CLEC18A: variants seen among roughly 807,000 people sequenced by gnomAD.
CLEC18A encodes the protein mannose receptor-like 1.
In CLEC18A, 5 loss-of-function variants were observed where a neutral mutation model predicts 24.0. The observed-to-expected ratio is 0.21, with a 90% CI of 0.11 to 0.44. The LOEUF (loss-of-function observed/expected upper bound fraction) is 0.44, where lower values mean the gene tolerates loss of function less well. Among genes scored for constraint, CLEC18A ranks in the 20% least tolerant of loss-of-function variants. The probability of loss-of-function intolerance (pLI) is 0.99; values close to 1 mark genes in which losing one functional copy is unlikely to be tolerated. For synonymous variants in CLEC18A, 29 were observed against 100.1 expected (o/e 0.29, Z 4.24); for missense variants, 83 against 233.4 (o/e 0.36, Z 4.20).
chr16:69,952,315 C>T, intron 2 of CLEC18A, 189 bp downstream of exon 2: 1 of 261,406 alleles, frequency 3.8e-6, no homozygotes, highest in Non-Finnish European at 6.4e-6. Context: ...TTCTTAACCC[C>T]CCACCCTCAG....
At chr16:69,953,914 G>C (rs1441095510) in intron 2 of CLEC18A, 3 of 319,060 alleles carry the variant, frequency 9.4e-6, no homozygotes, top group African/African-American at 2.1e-5. Context: ...CTAGGGCAGA[G>C]AGGCGTGGCT....
intron 3 of CLEC18A, among the ~76,000 whole-genome samples, chr16:69,957,301 A>G (rs1161039232): frequency 4.1e-5 from 6 of 145,422 alleles, no homozygotes; most frequent in Non-Finnish European, 3.0e-5. Flanking sequence ...AGCTGGGACT[A>G]CAGGTGTGTG....
chr16:69,955,961 C>A (rs1285345546), intron 3 of CLEC18A, among the ~76,000 whole-genome samples: 2 of 151,924 alleles, frequency 1.3e-5, no homozygotes, highest in Non-Finnish European at 2.9e-5. Flanking sequence ...AAATATTACA[C>A]AAGGCTGGGT....
the CLEC18A span, among the ~76,000 whole-genome samples, chr16:69,943,629 G>A: frequency 6.6e-6 from 1 of 151,868 alleles, no homozygotes; most frequent in Non-Finnish European, 1.5e-5. Flanking sequence ...GTAACCACTG[G>A]CGCCTTGGTG....
chr16:69,957,168 TTTTG>T (rs1385819967), intron 3 of CLEC18A, among the ~76,000 whole-genome samples: 1 of 147,268 alleles, frequency 6.8e-6, no homozygotes, highest in East Asian at 2.1e-4. Context: ...ATGATGTTGT[TTTTG>T]TTTGTTTTGA....
rs60310934 is a variant in CLEC18A, at chr16:69,954,526, G to A, written c.409G>A (p.Ala137Thr). The A allele has an allele frequency of 1.1e-3, 1,712 of 1,612,740 alleles. 13 individuals are homozygous for A. In the African/African-American group the frequency reaches 0.021, roughly 19 times the overall value. ...TGCAGAGGGGCAGCGGTACAGCCAC[G>A]CGGCAGGAGAGTGTGCTCGCAACGC... is the stretch of plus-strand genomic sequence containing the variant. ...WFAEGQRYSH[A>T]AGECARNATC... Residue 137 changes from alanine to threonine, a missense_variant, in exon 3 of 12, where the codon GCG becomes ACG. By Grantham distance (58) the Ala-to-Thr change is moderately conservative. Around this residue, in one of 3 missense-constraint regions of CLEC18A, gnomAD observed 71 missense variants for 107.4 expected, o/e 0.66. Transcript: ENST00000288040.
At chr16:69,965,129 T>A (rs62050612), downstream of CLEC18A, among the ~76,000 whole-genome samples, 1 of 151,316 alleles carries the variant, frequency 6.6e-6, no homozygotes, top group Non-Finnish European at 1.5e-5. Context: ...CTGCTTCCCA[T>A]GGCTTCGCCT....
intron 2 of CLEC18A, among the ~76,000 whole-genome samples, chr16:69,953,979 C>T (rs539112590): frequency 4.6e-4 from 68 of 147,380 alleles, no homozygotes; most frequent in Admixed American, 1.2e-3. Flanking sequence ...GCAGTGGAGC[C>T]TTTCTGACAA....
the CLEC18A span, among the ~76,000 whole-genome samples, chr16:69,944,576 A>G: frequency 1.1e-4 from 17 of 151,898 alleles, no homozygotes; most frequent in Non-Finnish European, 1.8e-4. Flanking sequence ...ACGGTGGCTC[A>G]TGATTGTAAT....
At chr16:69,948,509 G>T (rs3927170), upstream of CLEC18A, among the ~76,000 whole-genome samples, 4 of 151,560 alleles carry the variant, frequency 2.6e-5, 1 homozygote, top group Non-Finnish European at 5.9e-5. Flanking sequence ...GGGAGAAGAG[G>T]TATCAGCTAT....
Position 69,956,505 on chromosome 16 carries a change from G to A in CLEC18A, c.456+1932G>A, listed in dbSNP as rs1461910978. Reference sequence around the variant, plus strand: ...CTAGTAGCTGGGACTGCAGGCACACGCCACCACACCCGGCTATTTTTTTGT... The same window carrying A: ...CTAGTAGCTGGGACTGCAGGCACACACCACCACACCCGGCTATTTTTTTGT... On this transcript the variant is annotated intron_variant, in intron 3 of 11. Transcript: ENST00000288040. Among the ~76,000 whole-genome samples, 13 of 124,534 alleles carry A rather than the reference G, an allele frequency of 1.0e-4. No homozygotes were observed. The South Asian group carries it at 3.2e-3, about 31-fold the overall frequency. 81.7% of individuals were successfully genotyped at this position (124,534 alleles called of 152,430 possible).
chr16:69,944,894 G>A, the CLEC18A span, among the ~76,000 whole-genome samples: 13 of 126,402 alleles, frequency 1.0e-4, no homozygotes, highest in African/African-American at 3.4e-4. Context: ...TAATGCCAGC[G>A]CTTTGGGAGG....
the CLEC18A span, among the ~76,000 whole-genome samples, chr16:69,945,170 G>A: frequency 8.8e-5 from 13 of 146,928 alleles, no homozygotes; most frequent in Non-Finnish European, 7.4e-5. Flanking sequence ...CGTGCCTATC[G>A]TCCTACCTGC....
chr16:69,946,392 A>ATTTTTTTT (rs56112480), upstream of CLEC18A, among the ~76,000 whole-genome samples: 2 of 84,062 alleles, frequency 2.4e-5, no homozygotes, highest in African/African-American at 4.0e-5. Flanking sequence ...ATGTGTATGG[A>ATTTTTTTT]TTTTTTTTTT....
intron 2 of CLEC18A, chr16:69,953,812 CA>C (rs1192194170): frequency 0.023 from 2,565 of 109,560 alleles, no homozygotes; most frequent in African/African-American, 0.054. Flanking sequence ...GAGACTGTCT[CA>C]AAAAAAAAAA....
At chr16:69,953,837 A>AAGGG (rs2058992511) in intron 2 of CLEC18A, 1 of 95,480 alleles carries the variant, frequency 1.0e-5, no homozygotes, top group Non-Finnish European at 2.0e-5. Flanking sequence ...AAAAAAGAAG[A>AAGGG]GGGAGGGGGC....
intron 3 of CLEC18A, among the ~76,000 whole-genome samples, chr16:69,956,036 G>A (rs1377306077): frequency 4.6e-5 from 7 of 152,082 alleles, no homozygotes; most frequent in Admixed American, 2.0e-4. Context: ...GCCTGAGCCC[G>A]GGAGTTCGAG....
At chr16:69,945,376 A>G in the CLEC18A span, among the ~76,000 whole-genome samples, 307 of 152,280 alleles carry the variant, frequency 2.0e-3, no homozygotes, top group Non-Finnish European at 3.9e-3. Flanking sequence ...TCCGTATCTT[A>G]TAGATGTGAT....
At chr16:69,945,176 C>T in the CLEC18A span, among the ~76,000 whole-genome samples, 2 of 148,322 alleles carry the variant, frequency 1.3e-5, no homozygotes, top group Non-Finnish European at 2.9e-5. Flanking sequence ...TATCGTCCTA[C>T]CTGCTCAGGA....
Sources: allele counts gnomAD v4.1 joint callset (sites outside exome capture counted in the v4.1 genomes callset), GRCh38; gene constraint gnomAD v4.1.1; regional missense constraint gnomAD v4.1.1; transcripts MANE v1.5; gene names NCBI Gene and HGNC (gene_info 2026-07-23, HGNC 2026-07-21).